Variants in MRPL35 observed in about 807,000 individuals in gnomAD.
MRPL35 encodes the protein mitochondrial ribosomal protein L35, also known as large ribosomal subunit protein bL35m.
MRPL35 carries 18 observed loss-of-function variants against 21.6 expected under a neutral mutation model. The observed-to-expected ratio is 0.83, with a 90% confidence interval of 0.58 to 1.24. The LOEUF is 1.24. MRPL35 is among the 50% of genes most tolerant of loss of function. The pLI is 0.00. For synonymous variants in MRPL35, 87 were observed against 86.9 expected, an observed-to-expected ratio of 1.00 and a Z score of -0.01; for missense variants, 223 against 223.2, an observed-to-expected ratio of 1.00 and a Z score of 0.01.
rs1027896775 is a variant in MRPL35 at position 86,211,520 on chromosome 2, C to T, written c.*852C>T. On this transcript the variant is annotated 3_prime_UTR_variant, in exon 4 of 4. Coordinates refer to ENST00000337109, the MANE Select transcript of MRPL35 (RefSeq NM_016622.4). The stretch of plus-strand genomic sequence containing the variant: ...GGCAGCACACTTAACATCTAACACA[C>T]CAGGTTCATTGTGTTCATAACACTT... 2.5e-5 allele frequency: 25 copies of T among 985,302 alleles called. No homozygotes were observed. The highest frequency in any genetic ancestry group is 8.7e-5 in the African/African-American group (5 of 57,226). 61.0% of individuals were successfully genotyped at this position (985,302 alleles called of 1,614,324 possible).
chr2:86,201,842 C>T (rs1673691756), intron 1 of MRPL35, among the ~76,000 whole-genome samples: 1 of 152,186 alleles, frequency 6.6e-6, no homozygotes, highest in African/African-American at 2.4e-5. Context: ...TCATGTCCCC[C>T]ATTCATTCCT....
chr2:86,206,112 T>A lies in MRPL35; in HGVS notation c.50T>A (p.Leu17Gln), dbSNP rs758822401. 1.2e-5 allele frequency: 19 copies of A among 1,608,974 alleles called. No homozygotes were observed. In the South Asian group the frequency reaches 2.0e-4, roughly 17 times the overall value. ...TATGCTCCTATCTTTACAGGAATCC[T>A]ACGGCCCCTGAATATTTTGGCATCT... is the stretch of plus-strand genomic sequence containing the variant. The part of the protein sequence containing the change: ...AGAVRAASGI[L>Q]RPLNILASST... The change falls in exon 2 of 4, where the codon CTA becomes CAA. Residue 17 changes from leucine to glutamine, a missense_variant. Leu to Gln is a moderately radical substitution (Grantham distance 113). Coordinates refer to ENST00000337109, the MANE Select transcript of MRPL35 (RefSeq NM_016622.4).
chr2:86,199,965 C>T (rs766356449), intron 1 of MRPL35, among the ~76,000 whole-genome samples: 14 of 152,128 alleles, frequency 9.2e-5, no homozygotes, highest in Non-Finnish European at 2.1e-4. Context: ...TGAGATAATG[C>T]ACGTAAAGCG....
chr2:86,211,292 G>GAC lies in MRPL35; in HGVS notation c.*625_*626dup. 1.1e-6 allele frequency: 1 copy of GAC among 876,366 alleles called. No homozygotes were observed. Among genetic ancestry groups the GAC allele is most frequent in the Non-Finnish European group, 1.4e-6 (1 of 730,930 alleles). 54.3% of individuals were successfully genotyped at this position (876,366 alleles called of 1,614,324 possible). A position where few individuals can be genotyped will look rare whatever the true frequency, so the allele number is the denominator to read the frequency against. ...CCTTTGAGGTTCTTTTCTACATGAT[G>GAC]ACCTTCAGCTCCTGCTGCTAGTCTC... On this transcript the variant is annotated 3_prime_UTR_variant, in exon 4 of 4. Coordinates refer to ENST00000337109, the MANE Select transcript of MRPL35 (RefSeq NM_016622.4).
At chr2:86,205,044 G>T (rs1391910723) in intron 1 of MRPL35, among the ~76,000 whole-genome samples, 2 of 152,000 alleles carry the variant, frequency 1.3e-5, no homozygotes, top group Non-Finnish European at 2.9e-5. Context: ...TTCAAGATTG[G>T]GCTGGGCAAC....
At position 86,210,468 on chromosome 2, in the gene MRPL35, A is replaced by G. The variant is rs753100849; in HGVS notation, c.379-12A>G. 1.9e-6 allele frequency: 3 copies of G among 1,593,630 alleles called. No homozygotes were observed. The highest frequency in any genetic ancestry group is 2.3e-5 in the South Asian group (2 of 88,614). On this transcript the variant is annotated splice_polypyrimidine_tract_variant and intron_variant, in intron 3 of 3. Transcript: ENST00000337109. ...AGTATGATGTTTTACATTTCTTTGT[A>G]ATATCTGACAGGCTGGCTATAAGAA...
chr2:86,202,675 C>T (rs1025071785), intron 1 of MRPL35, among the ~76,000 whole-genome samples: 2 of 152,126 alleles, frequency 1.3e-5, no homozygotes, highest in African/African-American at 4.8e-5. Context: ...GTTTATGCTA[C>T]CCTTTTCAGT....
chr2:86,205,749 C>T (rs1373734526), intron 1 of MRPL35, among the ~76,000 whole-genome samples: 1 of 152,192 alleles, frequency 6.6e-6, no homozygotes, highest in Non-Finnish European at 1.5e-5. Flanking sequence ...CCTGACCTGC[C>T]ATTGTACTGT....
chr2:86,199,719 C>T (rs973401064), intron 1 of MRPL35, among the ~76,000 whole-genome samples, 186 bp downstream of exon 1: 3 of 152,224 alleles, frequency 2.0e-5, no homozygotes, highest in Admixed American at 1.3e-4. Context: ...GACTCGGACT[C>T]ACGCGGGCCT....
rs1673897410 is a variant in MRPL35 at position 86,211,260 on chromosome 2, A to G, written c.*592A>G. The G allele has an allele frequency of 1.1e-6, 1 of 910,220 alleles. No homozygotes were observed. 56.4% of individuals were successfully genotyped at this position (910,220 alleles called of 1,614,324 possible). On this transcript the variant is annotated 3_prime_UTR_variant, in exon 4 of 4. Transcript: ENST00000337109. ...TTTCTGTTCCTTTGTAATAACTTTA[A>G]CTTGCACCTTTGAGGTTCTTTTCTA... is the stretch of plus-strand genomic sequence containing the variant.
chr2:86,213,771 A>G lies in MRPL35; in HGVS notation c.*3103A>G. 8.0e-7 allele frequency: 1 copy of G among 1,248,596 alleles called. No homozygotes were observed. The highest frequency in any genetic ancestry group is 1.4e-5 in the South Asian group (1 of 71,502). 77.3% of individuals were successfully genotyped at this position (1,248,596 alleles called of 1,614,324 possible). On this transcript the variant is annotated 3_prime_UTR_variant, in exon 4 of 4. Transcript: ENST00000337109. ...CTGCCGATGATTTTTTTAAATGTGA[A>G]ATAAACAGTGATACTTTCAGGTTTG...
chr2:86,212,243 AGT>A lies in MRPL35; in HGVS notation c.*1582_*1583del. The A allele has an allele frequency of 1.4e-6, 2 of 1,381,984 alleles. No homozygotes were observed. The allele number at this position is 1,381,984 out of a possible 1,614,324, so 85.6% of individuals were successfully genotyped here. A position where few individuals can be genotyped will look rare whatever the true frequency, so the allele number is the denominator to read the frequency against. The stretch of plus-strand genomic sequence containing the variant: ...ATTATTAGGGAGATTCCTCGAAACT[AGT>A]GTGTGTTTATTAAAAGGAGAAAGGA... On this transcript the variant is annotated 3_prime_UTR_variant, in exon 4 of 4. Coordinates refer to ENST00000337109, the MANE Select transcript of MRPL35 (RefSeq NM_016622.4).
At chr2:86,206,386 G>GAGACTCCGT in intron 2 of MRPL35, 91 bp downstream of exon 2, 1 of 1,252,686 alleles carries the variant, frequency 8.0e-7, no homozygotes, top group Non-Finnish European at 1.1e-6. Context: ...AGGCCAGAGT[G>GAGACTCCGT]CAGTGGTGCA....
intron 1 of MRPL35, among the ~76,000 whole-genome samples, chr2:86,205,007 G>A (rs1355040826): frequency 2.6e-5 from 4 of 152,192 alleles, no homozygotes; most frequent in African/African-American, 9.7e-5. Context: ...GGGAGGCTGA[G>A]GCAGGTGGAT....
chr2:86,200,818 C>T (rs944616474), intron 1 of MRPL35, among the ~76,000 whole-genome samples: 26 of 152,084 alleles, frequency 1.7e-4, no homozygotes, highest in African/African-American at 6.3e-4. Flanking sequence ...AGGCATGCGC[C>T]ACCACGCCCA....
Position 86,212,822 on chromosome 2 carries a change from TTTCA to T in MRPL35, c.*2157_*2160del, listed in dbSNP as rs1673934884. 4 of 1,011,366 alleles carry T rather than the reference TTTCA, an allele frequency of 4.0e-6. No homozygotes were observed. Among genetic ancestry groups the T allele is most frequent in the African/African-American group, 1.7e-5 (1 of 58,500 alleles). The allele number at this position is 1,011,366 out of a possible 1,614,324, so 62.6% of individuals were successfully genotyped here. Reference sequence around the variant, plus strand: ...ATTTTATAATCTGACAATAAATGTCTTTCATTAAAGAGTTTACCTAAATGATGTT... The same window carrying T: ...ATTTTATAATCTGACAATAAATGTCTTTAAAGAGTTTACCTAAATGATGTT... On this transcript the variant is annotated 3_prime_UTR_variant, in exon 4 of 4. Coordinates refer to ENST00000337109, the MANE Select transcript of MRPL35 (RefSeq NM_016622.4).
chr2:86,210,642 C>T lies in MRPL35; in HGVS notation c.541C>T (p.His181Tyr), dbSNP rs1388491985. ...WYVDDPYQKY[H>Y]DRTNLKV ...CGTTGATGATCCTTATCAGAAGTATCATGATCGAACAAACCTGAAAGTATA... is the reference window on the plus strand; with the variant it reads ...CGTTGATGATCCTTATCAGAAGTATTATGATCGAACAAACCTGAAAGTATA... The change falls in exon 4 of 4, where the codon CAT becomes TAT. Residue 181 changes from histidine to tyrosine, a missense_variant. Coordinates refer to ENST00000337109, the MANE Select transcript of MRPL35 (RefSeq NM_016622.4). 1.2e-6 allele frequency: 2 copies of T among 1,611,766 alleles called. No homozygotes were observed. The highest frequency in any genetic ancestry group is 1.7e-5 in the Admixed American group (1 of 59,326).
Position 86,212,821 on chromosome 2 carries a change from C to T in MRPL35, c.*2153C>T, listed in dbSNP as rs1673934812. On this transcript the variant is annotated 3_prime_UTR_variant, in exon 4 of 4. Transcript: ENST00000337109. ...GATTTTATAATCTGACAATAAATGT[C>T]TTTCATTAAAGAGTTTACCTAAATG... is the stretch of plus-strand genomic sequence containing the variant. 9.9e-7 allele frequency: 1 copy of T among 1,011,786 alleles called. No individual in the cohort carries two copies. The highest frequency in any genetic ancestry group is 1.2e-6 in the Non-Finnish European group (1 of 846,568). The allele number at this position is 1,011,786 out of a possible 1,614,324, so 62.7% of individuals were successfully genotyped here. A position where few individuals can be genotyped will look rare whatever the true frequency, so the allele number is the denominator to read the frequency against.
chr2:86,201,782 C>T (rs1673690482), intron 1 of MRPL35, among the ~76,000 whole-genome samples: 1 of 152,280 alleles, frequency 6.6e-6, no homozygotes, highest in Middle Eastern at 3.4e-3. Flanking sequence ...ATCTTGAAGA[C>T]TCCTGGTTTC....
Sources: gnomAD v4.1 joint callset for allele counts (sites outside exome capture counted in the v4.1 genomes callset) on GRCh38, gnomAD v4.1.1 for gene constraint, MANE v1.5 for transcripts, NCBI Gene and HGNC (gene_info 2026-07-23, HGNC 2026-07-21) for gene names.